DDR2: variants seen among roughly 807,000 people sequenced by gnomAD.
DDR2 encodes discoidin domain-containing receptor 2.
In DDR2, 27 loss-of-function variants were observed where a neutral mutation model predicts 94.9. The observed-to-expected ratio is 0.28, with a 90% CI of 0.21 to 0.39. The LOEUF is 0.39. Ranked by LOEUF, DDR2 falls within the 10% of genes least tolerant of loss-of-function variation. The probability of loss-of-function intolerance (pLI) is 1.00; values close to 1 mark genes in which losing one functional copy is unlikely to be tolerated. For synonymous variants in DDR2, 382 were observed against 377.2 expected, an observed-to-expected ratio of 1.01 and a Z score of -0.15; for missense variants, 783 against 1,076.0, an observed-to-expected ratio of 0.73 and a Z score of 3.81.
chr1:162,712,950 G>A (rs1216617380), intron 2 of DDR2, among the ~76,000 whole-genome samples: 1 of 152,152 alleles, frequency 6.6e-6, no homozygotes, highest in Non-Finnish European at 1.5e-5. Flanking sequence ...GTCAGGTAAA[G>A]AAGCCAACTC....
chr1:162,648,235 A>G (rs1657510900), intron 1 of DDR2, among the ~76,000 whole-genome samples: 1 of 152,152 alleles, frequency 6.6e-6, no homozygotes, highest in African/African-American at 2.4e-5. Flanking sequence ...GGGTTTGTAT[A>G]GCCAGGGGAC....
Position 162,746,033 on chromosome 1 carries a change from CA to C in DDR2, c.83-7061del, listed in dbSNP as rs1413516004. On this transcript the variant is annotated intron_variant, in intron 3 of 17. Coordinates refer to ENST00000367921, the MANE Select transcript of DDR2 (RefSeq NM_006182.4). ...TTAGATGGCTGAATAGGAACAGCTC[CA>C]GTCTACAGCTCCCAGTGTGAGCAAC... Among the ~76,000 whole-genome samples the C allele has an allele frequency of 2.0e-5, 3 of 152,304 alleles. No individual in the cohort carries two copies. The East Asian group carries it at 5.8e-4, about 29-fold the overall frequency.
intron 3 of DDR2, among the ~76,000 whole-genome samples, chr1:162,747,651 G>A (rs1456816565): frequency 2.6e-5 from 4 of 152,092 alleles, no homozygotes; most frequent in Non-Finnish European, 5.9e-5. Context: ...TACAGAGAAC[G>A]CCACAAAGAT....
intron 2 of DDR2, among the ~76,000 whole-genome samples, chr1:162,672,167 T>C (rs1408098557): frequency 6.6e-6 from 1 of 152,248 alleles, no homozygotes; most frequent in East Asian, 1.9e-4. Context: ...CCTGGCTCTG[T>C]CACTTACCAG....
chr1:162,761,334 G>A lies in DDR2; in HGVS notation c.979G>A (p.Val327Ile), dbSNP rs183287339. 25 of 1,614,166 alleles carry A rather than the reference G, an allele frequency of 1.5e-5. No homozygotes were observed. In the East Asian group the frequency reaches 3.1e-4, roughly 20 times the overall value. ...TTCCTTCCCCCTTGTCCTGGATGAC[G>A]TCAACCCCAGTGCTCGGTTTGTCAC... ...AISFPLVLDD[V>I]NPSARFVTVP... is the part of the protein sequence containing the mutation. Residue 327 changes from valine to isoleucine, a missense_variant, in exon 9 of 18, where the codon GTC becomes ATC. By Grantham distance (29) the Val-to-Ile change is conservative. This residue lies in a region of DDR2 where 519 missense variants were observed against 647.9 expected (regional missense o/e 0.80). Transcript: ENST00000367921.
intron 2 of DDR2, among the ~76,000 whole-genome samples, chr1:162,657,277 A>G (rs1157648008): frequency 6.6e-6 from 1 of 152,016 alleles, no homozygotes; most frequent in East Asian, 1.9e-4. Context: ...AACTATCTCA[A>G]ACACCTTGGC....
rs1338442010 is a variant in DDR2, at chr1:162,718,453, T to C, written c.-27-584T>C. Among the ~76,000 whole-genome samples, 3 of 152,214 alleles carry C rather than the reference T, an allele frequency of 2.0e-5. No homozygotes were observed. In the East Asian group the frequency reaches 5.8e-4, roughly 29 times the overall value. On this transcript the variant is annotated intron_variant, in intron 2 of 17. Coordinates refer to ENST00000367921, the MANE Select transcript of DDR2 (RefSeq NM_006182.4). ...ATACACATATCTATAAATATTTCCATATGTAACTATTTGTATCCTTATTAA... is the reference window on the plus strand; with the variant it reads ...ATACACATATCTATAAATATTTCCACATGTAACTATTTGTATCCTTATTAA...
chr1:162,777,292 A>C (rs1490096482), intron 16 of DDR2, among the ~76,000 whole-genome samples: 1 of 152,000 alleles, frequency 6.6e-6, no homozygotes, highest in African/African-American at 2.4e-5. Flanking sequence ...CATATATGTA[A>C]TTTATATTAC....
chr1:162,725,012 A>G (rs181361450), intron 3 of DDR2, among the ~76,000 whole-genome samples: 11 of 152,160 alleles, frequency 7.2e-5, no homozygotes, highest in African/African-American at 2.7e-4. Flanking sequence ...ACAGAAACTC[A>G]TCTGCCCCTT....
At chr1:162,713,543 T>G (rs1347093790) in intron 2 of DDR2, among the ~76,000 whole-genome samples, 2 of 152,052 alleles carry the variant, frequency 1.3e-5, no homozygotes, top group Non-Finnish European at 2.9e-5. Context: ...CTTCCAGATC[T>G]TATATATATA....
chr1:162,696,220 A>T (rs1484248118), intron 2 of DDR2, among the ~76,000 whole-genome samples: 1 of 151,514 alleles, frequency 6.6e-6, no homozygotes, highest in South Asian at 2.1e-4. Context: ...TTTTTAAAAA[A>T]AAAACAAAAA....
Position 162,767,318 on chromosome 1 carries a change from A to G in DDR2, c.1252A>G (p.Ile418Val), listed in dbSNP as rs1664046371. Residue 418 changes from isoleucine (I) to valine (V), a missense_variant, in exon 11 of 18, where the codon ATC (isoleucine) becomes GTC (valine). By Grantham distance (29) the Ile-to-Val change is conservative. Coordinates refer to ENST00000367921, the MANE Select transcript of DDR2 (RefSeq NM_006182.4). Reference sequence around the variant, plus strand: ...CTTTATCCTCCTGGCCATCATTGTCATCATCCTCTGGAGGCAGTTCTGGCA... The same window carrying G: ...CTTTATCCTCCTGGCCATCATTGTCGTCATCCTCTGGAGGCAGTTCTGGCA... The part of the protein sequence containing the change: ...IIFILLAIIV[I>V]ILWRQFWQKM... The G allele has an allele frequency of 6.2e-7, 1 of 1,614,128 alleles. No homozygotes were observed. Among genetic ancestry groups the G allele is most frequent in the Non-Finnish European group, 8.5e-7 (1 of 1,180,020 alleles).
intron 1 of DDR2, among the ~76,000 whole-genome samples, chr1:162,643,180 C>T (rs912631375): frequency 6.6e-6 from 1 of 152,032 alleles, no homozygotes; most frequent in Non-Finnish European, 1.5e-5. Flanking sequence ...CTTCTTCTGC[C>T]CCTCTCCTAG....
intron 7 of DDR2, 61 bp from the exon 8 acceptor site, chr1:162,759,735 C>A: frequency 6.2e-7 from 1 of 1,601,502 alleles, no homozygotes; most frequent in Non-Finnish European, 8.5e-7. Context: ...AGCTCTTCCA[C>A]GAATGTGTGG....
chr1:162,671,611 T>C lies in DDR2; in HGVS notation c.-28+16237T>C, dbSNP rs537261359. 7.2e-5 allele frequency among the ~76,000 whole-genome samples: 11 copies of C among 152,214 alleles called. No individual in the cohort carries two copies. The East Asian group carries it at 2.1e-3, about 30-fold the overall frequency. ...CTCTGTGTTCTCTCCCTTGGCCTTG[T>C]CAGGCTGCCCCTGGCTTTGGTTCTC... On this transcript the variant is annotated intron_variant, in intron 2 of 17. Transcript: ENST00000367921.
At chr1:162,647,552 T>A (rs909002847) in intron 1 of DDR2, among the ~76,000 whole-genome samples, 1 of 152,172 alleles carries the variant, frequency 6.6e-6, no homozygotes, top group Non-Finnish European at 1.5e-5. Flanking sequence ...AGCTGCTCAA[T>A]TGGGTATACT....
chr1:162,743,724 A>G (rs1157141668), intron 3 of DDR2, among the ~76,000 whole-genome samples: 1 of 152,238 alleles, frequency 6.6e-6, no homozygotes, highest in Non-Finnish European at 1.5e-5. Context: ...TACAATAGAC[A>G]TACAATAGAC....
At chr1:162,672,389 T>C (rs1409108628) in intron 2 of DDR2, among the ~76,000 whole-genome samples, 1 of 152,192 alleles carries the variant, frequency 6.6e-6, no homozygotes, top group Non-Finnish European at 1.5e-5. Flanking sequence ...CCTTGACTTT[T>C]TGCGTTTCTA....
intron 1 of DDR2, among the ~76,000 whole-genome samples, chr1:162,650,821 G>A (rs780084810): frequency 9.9e-5 from 15 of 151,948 alleles, no homozygotes; most frequent in Admixed American, 2.6e-4. Flanking sequence ...AGCCTTCCAG[G>A]TTCAAGTAAT....
Sources: gnomAD v4.1 joint callset for allele counts (sites outside exome capture counted in the v4.1 genomes callset) on GRCh38, gnomAD v4.1.1 for gene constraint, gnomAD v4.1.1 regional missense constraint, MANE v1.5 for transcripts, NCBI Gene and HGNC (gene_info 2026-07-23, HGNC 2026-07-21) for gene names.